The following MACF1 variants were observed in gnomAD, a reference collection of about 807,000 sequenced individuals.
The protein encoded by MACF1 is microtubule-actin cross-linking factor 1.
Under a neutral mutation model 854.8 loss-of-function variants are expected in MACF1, and 193 were observed. The observed-to-expected ratio is 0.23, with a 90% CI of 0.20 to 0.25. The LOEUF is 0.25. Among genes scored for constraint, MACF1 ranks in the 10% least tolerant of loss-of-function variants. The pLI is 1.00. For synonymous variants in MACF1, 3,185 were observed against 3,226.7 expected (o/e 0.99, Z 0.44); for missense variants, 7,722 against 8,929.1 (o/e 0.86, Z 5.45).
intron 97 of MACF1, among the ~76,000 whole-genome samples, chr1:39,476,292 T>C (rs562482435): frequency 3.0e-4 from 45 of 152,274 alleles, no homozygotes; most frequent in Admixed American, 2.6e-3. Flanking sequence ...TATCCTAGGC[T>C]GGGCGCGGTG....
At position 39,443,525 on chromosome 1, in the gene MACF1, C is replaced by A. The variant is rs985187324; in HGVS notation, c.19382C>A (p.Pro6461His). ...RMESQLSASK[P>H]TGGLPETARE... ...GAGAGCCAGCTTTCTGCATCTAAGC[C>A]CACAGGAGGACTTCCTGAAACTGCT... The change falls in exon 79 of 101, where the codon CCC becomes CAC. Residue 6461 changes from proline (P) to histidine (H), a missense_variant. Physicochemically the swap from Pro to His is moderately conservative, Grantham distance 77. Around this residue, in one of 15 missense-constraint regions of MACF1, gnomAD observed 729 missense variants for 900.5 expected, o/e 0.81. Transcript: ENST00000564288. The A allele has an allele frequency of 1.2e-6, 2 of 1,613,622 alleles. No individual in the cohort carries two copies. Among genetic ancestry groups the A allele is most frequent in the Non-Finnish European group, 1.7e-6 (2 of 1,179,844 alleles).
intron 6 of MACF1, among the ~76,000 whole-genome samples, chr1:39,274,152 A>G (rs1054853544): frequency 6.6e-6 from 1 of 152,294 alleles, no homozygotes; most frequent in South Asian, 2.1e-4. Context: ...TTATTATACT[A>G]TTCTGTCTCC....
intron 2 of MACF1, among the ~76,000 whole-genome samples, chr1:39,125,972 G>A (rs763396972): frequency 5.3e-5 from 8 of 152,194 alleles, no homozygotes; most frequent in East Asian, 1.9e-4. Context: ...CATCCTGGGC[G>A]ACAGCGCAAG....
chr1:39,283,578 T>TTCTTA lies in MACF1; in HGVS notation c.915+63_915+64insTCTTA. ...ATTCATTTGGGTGAAATGCATTGGT[T>TTCTTA]AGACACTTTCTTAAGCACTTATGGT... On this transcript the variant is annotated intron_variant, in intron 9 of 100. Coordinates refer to ENST00000564288, the MANE Select transcript of MACF1 (RefSeq NM_001394062.1). This position sits in a 1 kb window ranked among gnomAD's most constrained non-coding sequence, Gnocchi z 4.5. 1 of 1,189,952 alleles carries TTCTTA rather than the reference T, an allele frequency of 8.4e-7. No individual in the cohort carries two copies. Among genetic ancestry groups the TTCTTA allele is most frequent in the Non-Finnish European group, 1.3e-6 (1 of 797,704 alleles). The allele number at this position is 1,189,952 out of a possible 1,614,324, so 73.7% of individuals were successfully genotyped here.
rs1266163606 is a variant in MACF1, at chr1:39,487,061, AG to A, written c.*1269del. 1 of 152,428 alleles carries A rather than the reference AG, an allele frequency of 6.6e-6. No homozygotes were observed. The highest frequency in any genetic ancestry group is 1.5e-5 in the Non-Finnish European group (1 of 68,038). The allele number at this position is 152,428 out of a possible 1,614,324, so 9.4% of individuals were successfully genotyped here. On this transcript the variant is annotated 3_prime_UTR_variant, in exon 101 of 101. Coordinates refer to ENST00000564288, the MANE Select transcript of MACF1 (RefSeq NM_001394062.1). The stretch of plus-strand genomic sequence containing the variant: ...TTACCCTGGGGTATAATCATGTTGT[AG>A]GTACTTAAATGCATTCCGCAAATCA...
intron 66 of MACF1, 50 bp from the exon 67 acceptor site, chr1:39,432,485 G>A (rs928694504): frequency 1.7e-5 from 27 of 1,589,062 alleles, no homozygotes; most frequent in Non-Finnish European, 2.2e-5. Context: ...CAGTTATGTG[G>A]AGACTTGGCT....
chr1:39,187,866 G>GTCTCTC (rs1276441879), intron 2 of MACF1, among the ~76,000 whole-genome samples: 3 of 124,552 alleles, frequency 2.4e-5, no homozygotes, highest in African/African-American at 9.4e-5. Flanking sequence ...CTCTCTCTCT[G>GTCTCTC]TCTCTCTCTC....
intron 1 of MACF1, among the ~76,000 whole-genome samples, chr1:39,226,223 G>T (rs113629881): frequency 6.6e-6 from 1 of 152,112 alleles, no homozygotes; most frequent in African/African-American, 2.4e-5. Context: ...TCTTTCTCCT[G>T]AGCTTAAAGT....
intron 58 of MACF1, among the ~76,000 whole-genome samples, chr1:39,421,645 A>G (rs1228361118): frequency 6.6e-6 from 1 of 152,190 alleles, no homozygotes; most frequent in Non-Finnish European, 1.5e-5. Context: ...GCTATTCCCC[A>G]AGGGATATTC....
chr1:39,214,999 T>C (rs1269331105), intron 1 of MACF1, among the ~76,000 whole-genome samples: 1 of 152,196 alleles, frequency 6.6e-6, no homozygotes, highest in Non-Finnish European at 1.5e-5. Context: ...GACCAGTTTC[T>C]TCCTACTCAG....
chr1:39,380,284 A>G lies in MACF1; in HGVS notation c.13559A>G (p.Gln4520Arg). ...AELEQNSPKI[Q>R]KVKEALAGLL... ...TTGGAACAGAATTCTCCAAAAATTC[A>G]AAAAGTAAAGGAAGCCCTGGCTGGA... Residue 4520 changes from glutamine (Q) to arginine (R), a missense_variant, in exon 55 of 101, where the codon CAA (glutamine) becomes CGA (arginine). Transcript: ENST00000564288. 6.2e-7 allele frequency: 1 copy of G among 1,613,672 alleles called. No individual in the cohort carries two copies. The highest frequency in any genetic ancestry group is 1.3e-5 in the African/African-American group (1 of 75,022).
intron 23 of MACF1, among the ~76,000 whole-genome samples, chr1:39,306,632 C>G (rs1485337559): frequency 3.0e-5 from 3 of 101,652 alleles, no homozygotes; most frequent in African/African-American, 9.7e-5. Context: ...TTTTTTTAGT[C>G]CGGACCTGTT....
rs749414119 is a variant in MACF1, at chr1:39,379,391, A to G, written c.13465A>G (p.Met4489Val). 1.7e-5 allele frequency: 28 copies of G among 1,614,052 alleles called. 1 individual carries two copies. In the Admixed American group the frequency reaches 4.7e-4, roughly 27 times the overall value. The change falls in exon 54 of 101, where the codon ATG (methionine) becomes GTG (valine). Residue 4489 changes from methionine (M) to valine (V), a missense_variant. Met to Val is a conservative substitution (Grantham distance 21, BLOSUM62 1). This residue lies in a region of MACF1 where 2,807 missense variants were observed against 3,235.8 expected (regional missense o/e 0.87). Coordinates refer to ENST00000564288, the MANE Select transcript of MACF1 (RefSeq NM_001394062.1). ...GGAAGTCCTGAAATCCATGGATGCC[A>G]TGTCATCTCCAACCAAGACAGAAAC... ...KEEVLKSMDA[M>V]SSPTKTETVK...
intron 2 of MACF1, among the ~76,000 whole-genome samples, chr1:39,151,873 C>CT (rs1643586412): frequency 6.6e-6 from 1 of 152,164 alleles, no homozygotes; most frequent in Non-Finnish European, 1.5e-5. Flanking sequence ...GAATAAAAAA[C>CT]TGCTTGTTGA....
rs1302249046 is a variant in MACF1 at position 39,452,325 on chromosome 1, G to C, written c.20588G>C (p.Ser6863Thr). 4 of 1,613,994 alleles carry C rather than the reference G, an allele frequency of 2.5e-6. No homozygotes were observed. Among genetic ancestry groups the C allele is most frequent in the Non-Finnish European group, 3.4e-6 (4 of 1,179,962 alleles). Reference sequence around the variant, plus strand: ...TGTAAACTCTCTGTTTCCAAACAAAGCCGGCTTGAGCAGGCCTTAAAACAA... The same window carrying C: ...TGTAAACTCTCTGTTTCCAAACAAACCCGGCTTGAGCAGGCCTTAAAACAA... ...TVCKLSVSKQSRLEQALKQAE... is the reference protein window; with the variant it reads ...TVCKLSVSKQTRLEQALKQAE... The change falls in exon 86 of 101, where the codon AGC (serine) becomes ACC (threonine). Residue 6863 changes from serine to threonine, a missense_variant. Around this residue, in one of 15 missense-constraint regions of MACF1, gnomAD observed 729 missense variants for 900.5 expected, o/e 0.81. Coordinates refer to ENST00000564288, the MANE Select transcript of MACF1 (RefSeq NM_001394062.1).
intron 58 of MACF1, among the ~76,000 whole-genome samples, chr1:39,401,692 T>C (rs1394435961): frequency 6.6e-6 from 1 of 152,256 alleles, no homozygotes; most frequent in Non-Finnish European, 1.5e-5. Flanking sequence ...ATTTTCTCCA[T>C]CTTGAATTAA....
At chr1:39,392,764 C>T (rs1388878097) in intron 58 of MACF1, among the ~76,000 whole-genome samples, 1 of 152,144 alleles carries the variant, frequency 6.6e-6, no homozygotes, top group African/African-American at 2.4e-5. Flanking sequence ...TACTAAAATA[C>T]ATTATTCCTA....
intron 99 of MACF1, 107 bp downstream of exon 99, chr1:39,481,137 G>A (rs1375553002): frequency 4.5e-6 from 3 of 665,334 alleles, no homozygotes; most frequent in Non-Finnish European, 5.2e-6. Flanking sequence ...TTTCATCTCT[G>A]TGGTGCTTGC....
chr1:39,322,893 G>A lies in MACF1; in HGVS notation c.4138-17G>A. The A allele has an allele frequency of 6.2e-7, 1 of 1,606,934 alleles. No homozygotes were observed. The highest frequency in any genetic ancestry group is 1.1e-5 in the South Asian group (1 of 90,952). ...TTCTGGCAGACGATTTATTTAAATT[G>A]TTCTTTTGAACCACAGTTCATGGAC... is the stretch of plus-strand genomic sequence containing the variant. On this transcript the variant is annotated splice_polypyrimidine_tract_variant and intron_variant, in intron 32 of 100. Transcript: ENST00000564288.
Sources: allele counts gnomAD v4.1 joint callset (sites outside exome capture counted in the v4.1 genomes callset), GRCh38; gene constraint gnomAD v4.1.1; regional missense constraint gnomAD v4.1.1; non-coding constraint Gnocchi (gnomAD v3.1); transcripts MANE v1.5; gene names NCBI Gene and HGNC (gene_info 2026-07-23, HGNC 2026-07-21).